The following SNX29 variants were observed in gnomAD, a reference collection of about 807,000 sequenced individuals.
The protein encoded by SNX29 is sorting nexin 29.
Under a neutral mutation model 102.1 loss-of-function variants are expected in SNX29, and 78 were observed. The ratio of observed to expected loss-of-function variants is 0.76; its 90% CI spans 0.64 to 0.92. The LOEUF (loss-of-function observed/expected upper bound fraction) is 0.92. Among genes scored for constraint, SNX29 ranks in the 40% least tolerant of loss-of-function variants. The pLI is 0.00. For missense variants in SNX29, 1,280 were observed against 1,061.7 expected (o/e 1.21, Z -2.86); for synonymous variants, 580 against 414.5 (o/e 1.40, Z -4.85).
At chr16:12,299,973 C>T (rs989090452) in intron 15 of SNX29, among the ~76,000 whole-genome samples, 2 of 151,774 alleles carry the variant, frequency 1.3e-5, no homozygotes, top group Non-Finnish European at 2.9e-5. Flanking sequence ...CTGGTTCAAG[C>T]GATTCTCCTG....
Position 12,430,977 on chromosome 16 carries a change from C to G in SNX29, c.2037+27448C>G, listed in dbSNP as rs151208763. ...AAATGATTCTCCTGCCTCAGCCTCCCGAGTAGCAGGGATTAGAGGCACCTG... is the reference window on the plus strand; with the variant it reads ...AAATGATTCTCCTGCCTCAGCCTCCGGAGTAGCAGGGATTAGAGGCACCTG... On this transcript the variant is annotated intron_variant, in intron 18 of 20. Coordinates refer to ENST00000566228, the MANE Select transcript of SNX29 (RefSeq NM_032167.5). Among the ~76,000 whole-genome samples the G allele has an allele frequency of 8.0e-4, 121 of 152,084 alleles. 2 individuals are homozygous for G. The highest frequency in any genetic ancestry group is 2.8e-3 in the African/African-American group (116 of 41,476).
intron 14 of SNX29, among the ~76,000 whole-genome samples, chr16:12,241,973 C>T (rs912536896): frequency 3.3e-5 from 5 of 152,148 alleles, no homozygotes; most frequent in Non-Finnish European, 7.3e-5. Context: ...CCGACTCCAG[C>T]ATGCTCATCT....
chr16:12,123,233 T>G (rs1003829933), intron 11 of SNX29, among the ~76,000 whole-genome samples: 1 of 152,216 alleles, frequency 6.6e-6, no homozygotes, highest in African/African-American at 2.4e-5. Context: ...CACAATCAGA[T>G]GAACATATAC....
chr16:12,159,451 G>C (rs562351627), intron 13 of SNX29, among the ~76,000 whole-genome samples: 1 of 152,178 alleles, frequency 6.6e-6, no homozygotes, highest in East Asian at 1.9e-4. Context: ...TGGACCAGGC[G>C]TTTCTCCCTA....
chr16:11,991,503 A>C (rs1180968313), intron 1 of SNX29, among the ~76,000 whole-genome samples: 1 of 151,744 alleles, frequency 6.6e-6, no homozygotes, highest in East Asian at 1.9e-4. Context: ...TTATTTTATA[A>C]AAATATAAAT....
chr16:12,488,571 T>A (rs1445156777), intron 19 of SNX29, among the ~76,000 whole-genome samples: 1 of 152,202 alleles, frequency 6.6e-6, no homozygotes, highest in Non-Finnish European at 1.5e-5. Context: ...AATAACGAAC[T>A]GAAGCTGTGT....
chr16:12,475,440 A>C (rs2087546135), intron 18 of SNX29, among the ~76,000 whole-genome samples: 1 of 152,214 alleles, frequency 6.6e-6, no homozygotes, highest in Non-Finnish European at 1.5e-5. Context: ...GTAGCTTTGC[A>C]GGCTGTATGG....
At chr16:12,501,309 C>T (rs774415585) in intron 19 of SNX29, among the ~76,000 whole-genome samples, 31 of 152,098 alleles carry the variant, frequency 2.0e-4, no homozygotes, top group Non-Finnish European at 3.4e-4. Context: ...AAGGCTGAGG[C>T]AGAAGGATTG....
chr16:12,024,215 G>A (rs376440324), intron 3 of SNX29, among the ~76,000 whole-genome samples: 2 of 151,422 alleles, frequency 1.3e-5, no homozygotes, highest in African/African-American at 2.4e-5. Context: ...CTCGGCTCAC[G>A]GCAACCTCCG....
intron 11 of SNX29, among the ~76,000 whole-genome samples, chr16:12,080,453 G>A (rs537144133): frequency 2.0e-5 from 3 of 152,296 alleles, no homozygotes; most frequent in East Asian, 1.9e-4. Flanking sequence ...CACAGGGTGG[G>A]TGAGTATGTA....
intron 20 of SNX29, among the ~76,000 whole-genome samples, chr16:12,538,540 A>T (rs547015335): frequency 2.6e-5 from 4 of 152,230 alleles, no homozygotes; most frequent in East Asian, 1.9e-4. Context: ...GCGTGAGGTG[A>T]TGGGCTAGGA....
intron 18 of SNX29, among the ~76,000 whole-genome samples, chr16:12,462,972 C>T (rs570038264): frequency 2.0e-5 from 3 of 152,268 alleles, no homozygotes; most frequent in East Asian, 1.9e-4. Flanking sequence ...GCTTGATTGC[C>T]GGAAATTAGC....
rs973826750 is a variant in SNX29, at chr16:12,559,002, T to C, written c.2319-9504T>C. Among the ~76,000 whole-genome samples, 6 of 152,262 alleles carry C rather than the reference T, an allele frequency of 3.9e-5. No individual in the cohort carries two copies. In the East Asian group the frequency reaches 5.8e-4, roughly 15 times the overall value. ...GACTTTAAAGAAATTTACACAGTTATGGGGGAGAGAGACAAAAGACTCCTT... is the reference window on the plus strand; with the variant it reads ...GACTTTAAAGAAATTTACACAGTTACGGGGGAGAGAGACAAAAGACTCCTT... On this transcript the variant is annotated intron_variant, in intron 20 of 20. Transcript: ENST00000566228.
Position 12,463,330 on chromosome 16 carries a change from T to C in SNX29, c.2038-14389T>C, listed in dbSNP as rs146638046. Among the ~76,000 whole-genome samples the C allele has an allele frequency of 7.8e-4, 119 of 152,304 alleles. 1 individual carries two copies. In the East Asian group the frequency reaches 0.021, roughly 27 times the overall value. ...GGTTTTCATGCTGCTGATAAAGACA[T>C]ACCCGAGACTGGGCAGTTTACAAAA... On this transcript the variant is annotated intron_variant, in intron 18 of 20. Coordinates refer to ENST00000566228, the MANE Select transcript of SNX29 (RefSeq NM_032167.5).
chr16:12,251,866 C>G (rs755270908), intron 14 of SNX29, among the ~76,000 whole-genome samples: 38 of 152,164 alleles, frequency 2.5e-4, no homozygotes, highest in Non-Finnish European at 4.7e-4. Context: ...CTCAGGCAGT[C>G]CTCTTGACTC....
chr16:12,050,579 C>A (rs545764310), intron 7 of SNX29, among the ~76,000 whole-genome samples: 1 of 152,226 alleles, frequency 6.6e-6, no homozygotes, highest in South Asian at 2.1e-4. Context: ...TCGGGTTCTA[C>A]TCATAGCCTC....
intron 20 of SNX29, chr16:12,557,692 G>T (rs1297182191): frequency 6.6e-6 from 1 of 152,200 alleles, no homozygotes; most frequent in Non-Finnish European, 1.5e-5. Flanking sequence ...TGGCAGTGCA[G>T]TAGGCTCGTT....
chr16:12,432,574 C>T (rs1362299656), intron 18 of SNX29, among the ~76,000 whole-genome samples: 1 of 152,190 alleles, frequency 6.6e-6, no homozygotes, highest in Non-Finnish European at 1.5e-5. Flanking sequence ...AGCCAGGGAA[C>T]AGCACGCTAT....
rs144627033 is a variant in SNX29, at chr16:12,103,369, G to A, written c.1403-23264G>A. ...TACCAGAACAGATATATAGACCAGT[G>A]GAACAGAACAGAGGCCTCAGAAATA... On this transcript the variant is annotated intron_variant, in intron 11 of 20. Transcript: ENST00000566228. Among the ~76,000 whole-genome samples the A allele has an allele frequency of 9.7e-3, 1,484 of 152,214 alleles. 55 individuals carry two copies. The East Asian group carries it at 0.12, about 13-fold the overall frequency.
Sources: allele counts gnomAD v4.1 joint callset (sites outside exome capture counted in the v4.1 genomes callset), GRCh38; gene constraint gnomAD v4.1.1; transcripts MANE v1.5; gene names NCBI Gene and HGNC (gene_info 2026-07-23, HGNC 2026-07-21).